The following PASK variants were observed in gnomAD, a reference collection of about 807,000 sequenced individuals.
The protein encoded by PASK is PAS domain containing serine/threonine kinase.
A neutral mutation model predicts 121.0 loss-of-function variants in PASK; 110 were observed. The observed-to-expected ratio is 0.91, with a 90% CI of 0.78 to 1.06. The LOEUF (loss-of-function observed/expected upper bound fraction) is 1.06. Among genes scored for constraint, PASK ranks in the 50% least tolerant of loss-of-function variants. PASK has a pLI of 0.00. For missense variants in PASK, 1,643 were observed against 1,702.3 expected (o/e 0.97, Z 0.61); for synonymous variants, 686 against 717.8 (o/e 0.96, Z 0.71).
intron 6 of PASK, among the ~76,000 whole-genome samples, 197 bp downstream of exon 6, chr2:241,137,756 A>T (rs561157112): frequency 2.0e-3 from 305 of 152,306 alleles, no homozygotes; most frequent in Middle Eastern, 0.014. Flanking sequence ...GACTCAGGGG[A>T]CAAGAGTGGT....
In PASK at chr2:241,137,935, G is replaced by A. The variant is rs868745987; in HGVS notation, c.876+18C>T. The A allele has an allele frequency of 8.7e-6, 14 of 1,613,832 alleles. No homozygotes were observed. Among genetic ancestry groups the A allele is most frequent in the Non-Finnish European group, 1.2e-5 (14 of 1,179,680 alleles). ...GAACTCCACCCCATCACACAGTGCG[G>A]GAGGTCAGGAGCCCTACCTTTGGGA... On this transcript the variant is annotated intron_variant, in intron 6 of 17. Transcript: ENST00000234040.
chr2:241,132,583 T>C (rs2066215084), intron 9 of PASK, among the ~76,000 whole-genome samples: 1 of 147,768 alleles, frequency 6.8e-6, no homozygotes, highest in African/African-American at 2.5e-5. Context: ...ATTCCATCAG[T>C]TCTCTGAAAT....
At chr2:241,130,747 G>A (rs963390271) in intron 9 of PASK, among the ~76,000 whole-genome samples, 1 of 152,310 alleles carries the variant, frequency 6.6e-6, no homozygotes, top group East Asian at 1.9e-4. Flanking sequence ...AAGCAAACAA[G>A]AGAAAGCACC....
At position 241,126,402 on chromosome 2, in the gene PASK, G is replaced by A; in HGVS notation, c.2513C>T (p.Ala838Val). ...GTGTCCTGGGCTTTCTCTGTCGCTT[G>A]CTGCATAATGCTCAGAGGACACCAA... ...VCLVSSEHYA[A>V]SDRESPGHVP... is the part of the protein sequence containing the mutation. The change falls in exon 10 of 18, where the codon GCA becomes GTA. Residue 838 changes from alanine (A) to valine (V), a missense_variant. This residue lies in a region of PASK where 1,176 missense variants were observed against 1,162.2 expected (regional missense o/e 1.01). Transcript: ENST00000234040. 6.2e-7 allele frequency: 1 copy of A among 1,614,262 alleles called. No homozygotes were observed. The highest frequency in any genetic ancestry group is 2.2e-5 in the East Asian group (1 of 44,890).
In PASK at chr2:241,112,203, G is replaced by A. The variant is rs2065137308; in HGVS notation, c.3533+37C>T. 1.3e-6 allele frequency: 2 copies of A among 1,518,216 alleles called. No homozygotes were observed. Among genetic ancestry groups the A allele is most frequent in the South Asian group, 1.1e-5 (1 of 89,100 alleles). The allele number at this position is 1,518,216 out of a possible 1,614,324, so 94.0% of individuals were successfully genotyped here. A position where few individuals can be genotyped will look rare whatever the true frequency, so the allele number is the denominator to read the frequency against. On this transcript the variant is annotated intron_variant, in intron 15 of 17. Transcript: ENST00000234040. The surrounding 1 kb of genome is among the most constrained non-coding windows in gnomAD (Gnocchi z 5.2). ...AGCCACCCTCAGGGTCCTGACAGAG[G>A]ACACGAGGACGGGCCGCACCGCAGC...
intron 2 of PASK, among the ~76,000 whole-genome samples, chr2:241,142,038 G>A (rs1364678788): frequency 6.6e-6 from 1 of 152,122 alleles, no homozygotes; most frequent in Non-Finnish European, 1.5e-5. Flanking sequence ...CAGCGCCTGG[G>A]TGAAGCCCAC....
chr2:241,132,432 G>C (rs1288873784), intron 9 of PASK, among the ~76,000 whole-genome samples: 1 of 146,124 alleles, frequency 6.8e-6, no homozygotes, highest in Non-Finnish European at 1.5e-5. Context: ...CAGGAGAATG[G>C]TGTGAACCCG....
chr2:241,108,240 A>G lies in PASK; in HGVS notation c.3594T>C (p.Phe1198=). Residue 1198 remains phenylalanine (F), a synonymous_variant, in exon 16 of 18, where the codon TTT becomes TTC. Coordinates refer to ENST00000234040, the MANE Select transcript of PASK (RefSeq NM_015148.4). The surrounding 1 kb of genome is among the most constrained non-coding windows in gnomAD (Gnocchi z 5.2). ...CCAGCTCACAGAAGGGGTTCTCCTC[A>G]AAGACCAGCGTGTACAGAGTGACTC... ...SLGVTLYTLV[F]EENPFCELEE... is the part of the protein sequence containing the mutation. 6.2e-7 allele frequency: 1 copy of G among 1,613,946 alleles called. No homozygotes were observed. The highest frequency in any genetic ancestry group is 8.5e-7 in the Non-Finnish European group (1 of 1,179,888).
At chr2:241,110,011 G>A (rs1477544336) in intron 15 of PASK, among the ~76,000 whole-genome samples, 1 of 152,228 alleles carries the variant, frequency 6.6e-6, no homozygotes, top group African/African-American at 2.4e-5. Context: ...ACACACGTTT[G>A]TAGCAGCATC....
At chr2:241,120,884 G>A (rs985865125) in intron 12 of PASK, among the ~76,000 whole-genome samples, 2 of 152,140 alleles carry the variant, frequency 1.3e-5, no homozygotes, top group Non-Finnish European at 2.9e-5. Context: ...GTTCATAGAA[G>A]CATTATTCCT....
At chr2:241,113,778 A>T (rs1398854196) in intron 14 of PASK, 1 of 985,360 alleles carries the variant, frequency 1.0e-6, no homozygotes, top group Non-Finnish European at 1.2e-6. Flanking sequence ...GAGCGGCCTG[A>T]ACCAAGCCAG....
chr2:241,139,560 A>G (rs2066602112), intron 4 of PASK: 1 of 591,974 alleles, frequency 1.7e-6, no homozygotes, highest in Non-Finnish European at 3.3e-6. Context: ...ACTCTTGAGC[A>G]TCTGATGTGC....
chr2:241,122,711 C>G (rs1272588952), intron 12 of PASK, 21 bp downstream of exon 12: 2 of 1,595,486 alleles, frequency 1.3e-6, no homozygotes, highest in South Asian at 1.1e-5. Flanking sequence ...CGGCGCCACT[C>G]CCCCCCCACA....
At position 241,126,294 on chromosome 2, in the gene PASK, G is replaced by A. The variant is rs758723236; in HGVS notation, c.2621C>T (p.Thr874Met). 6.2e-6 allele frequency: 10 copies of A among 1,614,110 alleles called. No individual in the cohort carries two copies. Among genetic ancestry groups the A allele is most frequent in the South Asian group, 2.2e-5 (2 of 91,094 alleles). ...EPRLNVQVTS[T>M]PVIVMRGAAG... is the part of the protein sequence containing the mutation. Reference sequence around the variant, plus strand: ...AGCCCCGCGCATCACGATCACGGGCGTGGAGGTGACCTGGACGTTCAGCCT... The same window carrying A: ...AGCCCCGCGCATCACGATCACGGGCATGGAGGTGACCTGGACGTTCAGCCT... The change falls in exon 10 of 18, where the codon ACG (threonine) becomes ATG (methionine). Residue 874 changes from threonine to methionine, a missense_variant. Thr to Met is a moderately conservative substitution (Grantham distance 81). Transcript: ENST00000234040.
chr2:241,126,166 A>G (rs776313182), intron 10 of PASK, 30 bp downstream of exon 10: 47 of 1,609,288 alleles, frequency 2.9e-5, no homozygotes, highest in Non-Finnish European at 7.7e-6. Context: ...TGGGAGCACC[A>G]CACTTCTTCC....
intron 3 of PASK, among the ~76,000 whole-genome samples, 172 bp from the exon 4 acceptor site, chr2:241,140,227 C>T (rs1249713851): frequency 7.7e-6 from 1 of 129,798 alleles, no homozygotes; most frequent in African/African-American, 3.2e-5. Context: ...TGCAGCGGCG[C>T]AATCAGAGCT....
intron 1 of PASK, among the ~76,000 whole-genome samples, chr2:241,146,803 G>C (rs1312987096): frequency 6.6e-6 from 1 of 152,214 alleles, no homozygotes; most frequent in East Asian, 1.9e-4. Flanking sequence ...AGAGGCACAA[G>C]GGCACAGGTC....
chr2:241,115,921 A>G (rs2065331928), intron 12 of PASK, among the ~76,000 whole-genome samples: 1 of 90,616 alleles, frequency 1.1e-5, no homozygotes, highest in South Asian at 3.1e-4. Context: ...CCGTTACACC[A>G]GGGGCCACCA....
intron 9 of PASK, among the ~76,000 whole-genome samples, chr2:241,129,449 G>T (rs1207874001): frequency 1.3e-5 from 2 of 152,186 alleles, no homozygotes; most frequent in Non-Finnish European, 2.9e-5. Context: ...GGCTTCACGG[G>T]CATCCACTGC....
Sources: gnomAD v4.1 joint callset for allele counts (sites outside exome capture counted in the v4.1 genomes callset) on GRCh38, gnomAD v4.1.1 for gene constraint, gnomAD v4.1.1 regional missense constraint, Gnocchi (gnomAD v3.1) non-coding constraint, MANE v1.5 for transcripts, NCBI Gene and HGNC (gene_info 2026-07-23, HGNC 2026-07-21) for gene names.